The following KIAA1958 variants were observed in gnomAD, a reference collection of about 807,000 sequenced individuals.
KIAA1958 encodes KIAA1958.
In KIAA1958, 14 loss-of-function variants were observed where a neutral mutation model predicts 47.2. The observed-to-expected ratio is 0.30, with a 90% CI of 0.20 to 0.46. The LOEUF (loss-of-function observed/expected upper bound fraction) is 0.46. Ranked by LOEUF, KIAA1958 falls within the 20% of genes least tolerant of loss-of-function variation. The pLI is 1.00. For synonymous variants in KIAA1958, 354 were observed against 353.3 expected (o/e 1.00, Z -0.02); for missense variants, 803 against 909.2 (o/e 0.88, Z 1.50).
At chr9:112,594,569 T>A (rs1835984394) in intron 2 of KIAA1958, among the ~76,000 whole-genome samples, 1 of 152,196 alleles carries the variant, frequency 6.6e-6, no homozygotes, top group African/African-American at 2.4e-5. Context: ...CATTTCTTCT[T>A]ACAGCTGAAT....
At chr9:112,584,183 C>A (rs920031287) in intron 2 of KIAA1958, among the ~76,000 whole-genome samples, 1 of 152,134 alleles carries the variant, frequency 6.6e-6, no homozygotes, top group African/African-American at 2.4e-5. Context: ...CCAGCCCTGC[C>A]CCCTTCTTTT....
chr9:112,581,061 T>A (rs1219626924), intron 2 of KIAA1958, among the ~76,000 whole-genome samples: 1 of 152,212 alleles, frequency 6.6e-6, no homozygotes, highest in Admixed American at 6.5e-5. Context: ...TATTTATTTT[T>A]ATTTTTTTCT....
At chr9:112,506,221 C>G (rs550958373) in intron 1 of KIAA1958, among the ~76,000 whole-genome samples, 32 of 152,262 alleles carry the variant, frequency 2.1e-4, no homozygotes, top group Non-Finnish European at 4.3e-4. Context: ...CTTTGGGAGG[C>G]CGAAGCAGGC....
At chr9:112,642,376 G>T (rs563457481) in intron 2 of KIAA1958, among the ~76,000 whole-genome samples, 26 of 152,346 alleles carry the variant, frequency 1.7e-4, no homozygotes, top group African/African-American at 5.5e-4. Flanking sequence ...GGATTTCTTT[G>T]CTTTTCTTAG....
chr9:112,509,054 A>C (rs1279976351), intron 1 of KIAA1958, among the ~76,000 whole-genome samples: 2 of 151,632 alleles, frequency 1.3e-5, no homozygotes, highest in Non-Finnish European at 2.9e-5. Context: ...ATGGTAAAAA[A>C]TTTTAAAAAG....
At chr9:112,504,613 C>T (rs1321875312) in intron 1 of KIAA1958, among the ~76,000 whole-genome samples, 1 of 152,152 alleles carries the variant, frequency 6.6e-6, no homozygotes, top group Non-Finnish European at 1.5e-5. Context: ...GGTTATCCAG[C>T]ACTGGAGTGA....
At position 112,663,132 on chromosome 9, in the gene KIAA1958, G is replaced by A. The variant is rs1227350277; in HGVS notation, c.*3063G>A. On this transcript the variant is annotated 3_prime_UTR_variant, in exon 4 of 4. Coordinates refer to ENST00000337530, the MANE Select transcript of KIAA1958 (RefSeq NM_133465.4). ...GCCCCTGGGCTCTGTGTCAAGGCTG[G>A]TGGTACTGTAGGTGTTATGAGAGGA... 2 of 152,220 alleles carry A rather than the reference G, an allele frequency of 1.3e-5. No homozygotes were observed. Among genetic ancestry groups the A allele is most frequent in the Non-Finnish European group, 1.5e-5 (1 of 68,066 alleles). The allele number at this position is 152,220 out of a possible 1,614,324, so 9.4% of individuals were successfully genotyped here. A position where few individuals can be genotyped will look rare whatever the true frequency, so the allele number is the denominator to read the frequency against.
chr9:112,584,398 A>G (rs771012469), intron 2 of KIAA1958, among the ~76,000 whole-genome samples: 1 of 152,234 alleles, frequency 6.6e-6, no homozygotes, highest in Non-Finnish European at 1.5e-5. Flanking sequence ...TTACTTTTAA[A>G]AATAGATCAT....
intron 2 of KIAA1958, among the ~76,000 whole-genome samples, chr9:112,605,646 G>A (rs769902784): frequency 2.0e-5 from 3 of 152,142 alleles, no homozygotes; most frequent in Non-Finnish European, 2.9e-5. Context: ...GCCCCAGTGG[G>A]CTTTCAAAAC....
In KIAA1958 at chr9:112,618,963, A is replaced by G; in HGVS notation, c.1172-26687A>G. ...CCAGTTTGGTTACTGTGTCCGGAGA[A>G]ACTGTGATTATACACCGCTTCTCGT... On this transcript the variant is annotated intron_variant, in intron 2 of 3. Transcript: ENST00000337530. The surrounding 1 kb of genome is among the most constrained non-coding windows in gnomAD (Gnocchi z 7.1). 1.3e-6 allele frequency: 2 copies of G among 1,482,868 alleles called. No individual in the cohort carries two copies. Among genetic ancestry groups the G allele is most frequent in the Admixed American group, 4.5e-5 (2 of 44,256 alleles). The allele number at this position is 1,482,868 out of a possible 1,614,324, so 91.9% of individuals were successfully genotyped here. A position where few individuals can be genotyped will look rare whatever the true frequency, so the allele number is the denominator to read the frequency against.
In KIAA1958 at chr9:112,669,385, G is replaced by C. The variant is rs1129396; in HGVS notation, c.*9316G>C. ...AACCCAGATTTTTAAACAATAAAAAGATTTAATGTATACTTTCTGTTTTCT... is the reference window on the plus strand; with the variant it reads ...AACCCAGATTTTTAAACAATAAAAACATTTAATGTATACTTTCTGTTTTCT... On this transcript the variant is annotated 3_prime_UTR_variant, in exon 4 of 4. Transcript: ENST00000337530. The C allele has an allele frequency of 6.6e-6, 1 of 152,006 alleles. No individual in the cohort carries two copies. The highest frequency in any genetic ancestry group is 6.5e-5 in the Admixed American group (1 of 15,270). 9.4% of individuals were successfully genotyped at this position (152,006 alleles called of 1,614,324 possible).
chr9:112,649,310 A>G (rs1588053775), intron 3 of KIAA1958, among the ~76,000 whole-genome samples: 1 of 141,670 alleles, frequency 7.1e-6, no homozygotes, highest in Non-Finnish European at 1.5e-5. Context: ...GGCATAAGCC[A>G]CCACACCTGG....
At chr9:112,527,572 G>A (rs1834679552) in intron 1 of KIAA1958, among the ~76,000 whole-genome samples, 1 of 152,152 alleles carries the variant, frequency 6.6e-6, no homozygotes, top group Non-Finnish European at 1.5e-5. Context: ...GGATGATTAT[G>A]TTTCAAAACA....
chr9:112,517,151 CCATATATTAATTATTATTCCATATA>C (rs760320522), intron 1 of KIAA1958, among the ~76,000 whole-genome samples: 144,942 of 151,294 alleles, frequency 0.96, 69,503 homozygotes, highest in African/African-American at 0.99. Context: ...TATATTAATT[CCATATATTAATTATTATTCCATATA>C]TTAATTTAAC....
At chr9:112,490,262 A>G (rs747434899) in intron 1 of KIAA1958, among the ~76,000 whole-genome samples, 3 of 152,272 alleles carry the variant, frequency 2.0e-5, no homozygotes, top group East Asian at 1.9e-4. Context: ...TGAACAGTTT[A>G]TTTTCTGACA....
chr9:112,499,897 C>G (rs1408838468), intron 1 of KIAA1958, among the ~76,000 whole-genome samples: 1 of 151,676 alleles, frequency 6.6e-6, no homozygotes, highest in African/African-American at 2.4e-5. Flanking sequence ...ACCGTGTTAG[C>G]CAGGATGGTC....
At chr9:112,577,905 A>G (rs1835676956) in intron 2 of KIAA1958, among the ~76,000 whole-genome samples, 1 of 152,166 alleles carries the variant, frequency 6.6e-6, no homozygotes. Flanking sequence ...AGCACAGAAT[A>G]TATACTGTCA....
chr9:112,513,459 G>A (rs1244545489), intron 1 of KIAA1958, among the ~76,000 whole-genome samples: 3 of 132,810 alleles, frequency 2.3e-5, no homozygotes, highest in Non-Finnish European at 3.2e-5. Flanking sequence ...TTGAAGGGTC[G>A]AAGGCGCCGC....
chr9:112,513,010 T>C (rs1378965677), intron 1 of KIAA1958, among the ~76,000 whole-genome samples: 1 of 123,730 alleles, frequency 8.1e-6, no homozygotes, highest in African/African-American at 3.1e-5. Context: ...GCTAATTTTT[T>C]TTTTTTTTTT....
Sources: gnomAD v4.1 joint callset for allele counts (sites outside exome capture counted in the v4.1 genomes callset) on GRCh38, gnomAD v4.1.1 for gene constraint, Gnocchi (gnomAD v3.1) non-coding constraint, MANE v1.5 for transcripts, NCBI Gene and HGNC (gene_info 2026-07-23, HGNC 2026-07-21) for gene names.